SF3B5: variants seen among roughly 807,000 people sequenced by gnomAD.
SF3B5 encodes the protein splicing factor 3b subunit 5.
In SF3B5, 3 loss-of-function variants were observed where a neutral mutation model predicts 7.0. The observed-to-expected ratio is 0.43, with a 90% CI of 0.19 to 1.10. The LOEUF (loss-of-function observed/expected upper bound fraction) is 1.10, where lower values mean the gene tolerates loss of function less well. Ranked by LOEUF, SF3B5 falls within the 50% of genes least tolerant of loss-of-function variation. The probability of loss-of-function intolerance (pLI) is 0.29; values close to 1 mark genes in which losing one functional copy is unlikely to be tolerated. For synonymous variants in SF3B5, 51 were observed against 44.8 expected (o/e 1.14, Z -0.55); for missense variants, 73 against 113.6 (o/e 0.64, Z 1.63).
At position 144,094,928 on chromosome 6, in the gene SF3B5, T is replaced by G; in HGVS notation, c.*309A>C. The G allele has an allele frequency of 2.4e-6, 1 of 424,194 alleles. No homozygotes were observed. The highest frequency in any genetic ancestry group is 4.2e-5 in the East Asian group (1 of 23,674). 26.3% of individuals were successfully genotyped at this position (424,194 alleles called of 1,614,324 possible). On this transcript the variant is annotated 3_prime_UTR_variant, in exon 1 of 1. Transcript: ENST00000367569. ...ATGGAAAAAGCCAATGACAATCAAT[T>G]AGCCAAAAACGAGACGCCAAATCCC... is the stretch of plus-strand genomic sequence containing the variant.
Position 144,095,415 on chromosome 6 carries a change from T to C in SF3B5, c.83A>G (p.Lys28Arg). Residue 28 changes from lysine to arginine, a missense_variant, in exon 1 of 1, where the codon AAG becomes AGG. Around this residue, in one of 2 missense-constraint regions of SF3B5, gnomAD observed 67 missense variants for 82.7 expected, o/e 0.81. Coordinates refer to ENST00000367569, the MANE Select transcript of SF3B5 (RefSeq NM_031287.3). The surrounding 1 kb of genome is among the most constrained non-coding windows in gnomAD (Gnocchi z 4.3). ...GTGTTGGTTCACCAGCCACTCCCAC[T>C]TGGTGGTGTCGGCGTGGCCCGTGCC... ...YIGTGHADTT[K>R]WEWLVNQHRD... 6.2e-7 allele frequency: 1 copy of C among 1,614,254 alleles called. No homozygotes were observed.
chr6:144,095,052 G>T lies in SF3B5; in HGVS notation c.*185C>A. The stretch of plus-strand genomic sequence containing the variant: ...GGAGTCCTGCTGGTCTCCCAGTGCT[G>T]TTCTAAGGGTCCACATGAAGGCAGG... On this transcript the variant is annotated 3_prime_UTR_variant, in exon 1 of 1. Transcript: ENST00000367569. This position sits in a 1 kb window ranked among gnomAD's most constrained non-coding sequence, Gnocchi z 4.3. The T allele has an allele frequency of 1.2e-6, 1 of 846,668 alleles. No homozygotes were observed. The highest frequency in any genetic ancestry group is 1.9e-6 in the Non-Finnish European group (1 of 529,790). The allele number at this position is 846,668 out of a possible 1,614,324, so 52.4% of individuals were successfully genotyped here. A position where few individuals can be genotyped will look rare whatever the true frequency, so the allele number is the denominator to read the frequency against.
At position 144,094,894 on chromosome 6, in the gene SF3B5, C is replaced by T. The variant is rs957861044; in HGVS notation, c.*343G>A. The stretch of plus-strand genomic sequence containing the variant: ...TTCACACCAAGAGACTGAACGATTT[C>T]TAAACTTTATGGAAAAAGCCAATGA... On this transcript the variant is annotated 3_prime_UTR_variant, in exon 1 of 1. Transcript: ENST00000367569. The T allele has an allele frequency of 3.0e-6, 1 of 332,390 alleles. No homozygotes were observed. The highest frequency in any genetic ancestry group is 5.8e-6 in the Non-Finnish European group (1 of 171,456). The allele number at this position is 332,390 out of a possible 1,614,324, so 20.6% of individuals were successfully genotyped here.
rs1195075459 is a variant in SF3B5, at chr6:144,095,182, C to T, written c.*55G>A. On this transcript the variant is annotated 3_prime_UTR_variant, in exon 1 of 1. Coordinates refer to ENST00000367569, the MANE Select transcript of SF3B5 (RefSeq NM_031287.3). The surrounding 1 kb of genome is among the most constrained non-coding windows in gnomAD (Gnocchi z 4.3). ...AGACAGGAATACTTAAGAGGATTGGCAAACCGGAGAAACGCTGGGAGAGGT... is the reference window on the plus strand; with the variant it reads ...AGACAGGAATACTTAAGAGGATTGGTAAACCGGAGAAACGCTGGGAGAGGT... 2 of 1,606,910 alleles carry T rather than the reference C, an allele frequency of 1.2e-6. No individual in the cohort carries two copies. The highest frequency in any genetic ancestry group is 4.5e-5 in the East Asian group (2 of 44,806).
Position 144,095,234 on chromosome 6 carries a change from G to C in SF3B5, c.*3C>G, listed in dbSNP as rs747573115. The C allele has an allele frequency of 1.2e-6, 2 of 1,614,006 alleles. No homozygotes were observed. The highest frequency in any genetic ancestry group is 3.3e-5 in the Admixed American group (2 of 60,032). On this transcript the variant is annotated 3_prime_UTR_variant, in exon 1 of 1. Transcript: ENST00000367569. This position sits in a 1 kb window ranked among gnomAD's most constrained non-coding sequence, Gnocchi z 4.3. ...CCCCGCACTGCGGTGGTAAGGCAGA[G>C]TCTCAGTTCTCCTCGGGCTTGTCGG...
rs895056350 is a variant in SF3B5 at position 144,095,175 on chromosome 6, G to A, written c.*62C>T. On this transcript the variant is annotated 3_prime_UTR_variant, in exon 1 of 1. Coordinates refer to ENST00000367569, the MANE Select transcript of SF3B5 (RefSeq NM_031287.3). The surrounding 1 kb of genome is among the most constrained non-coding windows in gnomAD (Gnocchi z 4.3). ...CCTTTGGAGACAGGAATACTTAAGAGGATTGGCAAACCGGAGAAACGCTGG... is the reference window on the plus strand; with the variant it reads ...CCTTTGGAGACAGGAATACTTAAGAAGATTGGCAAACCGGAGAAACGCTGG... The A allele has an allele frequency of 4.4e-6, 7 of 1,604,918 alleles. No homozygotes were observed. The highest frequency in any genetic ancestry group is 1.1e-5 in the South Asian group (1 of 90,218).
chr6:144,095,251 G>T lies in SF3B5; in HGVS notation c.247C>A (p.Pro83Thr). The T allele has an allele frequency of 6.2e-7, 1 of 1,614,192 alleles. No individual in the cohort carries two copies. The highest frequency in any genetic ancestry group is 8.5e-7 in the Non-Finnish European group (1 of 1,180,038). ...AAGGCAGAGTCTCAGTTCTCCTCGGGCTTGTCGGCTGGCGGTCCACAAGGC... is the reference window on the plus strand; with the variant it reads ...AAGGCAGAGTCTCAGTTCTCCTCGGTCTTGTCGGCTGGCGGTCCACAAGGC... ...LQPCGPPADK[P>T]EEN The change falls in exon 1 of 1, where the codon CCC (proline) becomes ACC (threonine). Residue 83 changes from proline to threonine, a missense_variant. This residue lies in a region of SF3B5 where 67 missense variants were observed against 82.7 expected (regional missense o/e 0.81). Transcript: ENST00000367569. The surrounding 1 kb of genome is among the most constrained non-coding windows in gnomAD (Gnocchi z 4.3).
In SF3B5 at chr6:144,095,368, T is replaced by C. The variant is rs1322457195; in HGVS notation, c.130A>G (p.Met44Val). Residue 44 changes from methionine (M) to valine (V), a missense_variant, in exon 1 of 1, where the codon ATG (methionine) becomes GTG (valine). By Grantham distance (21) the Met-to-Val change is conservative. Around this residue, in one of 2 missense-constraint regions of SF3B5, gnomAD observed 67 missense variants for 82.7 expected, o/e 0.81. Transcript: ENST00000367569. The surrounding 1 kb of genome is among the most constrained non-coding windows in gnomAD (Gnocchi z 4.3). Reference sequence around the variant, plus strand: ...TAGTTGAGAAGGTCGAAGTGGCCCATGTAGGAGCAGTACGAGTCGCGGTGT... The same window carrying C: ...TAGTTGAGAAGGTCGAAGTGGCCCACGTAGGAGCAGTACGAGTCGCGGTGT... ...NQHRDSYCSYMGHFDLLNYFA... is the reference protein window; with the variant it reads ...NQHRDSYCSYVGHFDLLNYFA... 1.2e-6 allele frequency: 2 copies of C among 1,614,234 alleles called. No homozygotes were observed. The highest frequency in any genetic ancestry group is 1.7e-6 in the Non-Finnish European group (2 of 1,180,032).
rs1157886335 is a variant in SF3B5, at chr6:144,095,457, AG to A, written c.40del (p.Leu14CysfsTer20). ...RYTIHSQLEH[L>X]QSKYIGTGHA... Reference sequence around the variant, plus strand: ...GCCCGTGCCGATGTACTTGGACTGCAGGTGCTCCAGCTGGCTATGGATGGTG... The same window carrying A: ...GCCCGTGCCGATGTACTTGGACTGCAGTGCTCCAGCTGGCTATGGATGGTG... On this transcript the variant is annotated frameshift_variant, in exon 1 of 1. Transcript: ENST00000367569. LOFTEE classifies it high-confidence loss of function. The surrounding 1 kb of genome is among the most constrained non-coding windows in gnomAD (Gnocchi z 4.3). 1.9e-6 allele frequency: 3 copies of A among 1,614,122 alleles called. No individual in the cohort carries two copies. The highest frequency in any genetic ancestry group is 2.5e-6 in the Non-Finnish European group (3 of 1,180,044).
chr6:144,095,353 G>C lies in SF3B5; in HGVS notation c.145C>G (p.Leu49Val). ...SYCSYMGHFD[L>V]LNYFAIAENE... ...TCCGCAATGGCGAAGTAGTTGAGAA[G>C]GTCGAAGTGGCCCATGTAGGAGCAG... Residue 49 changes from leucine to valine, a missense_variant, in exon 1 of 1, where the codon CTT becomes GTT. By Grantham distance (32) the Leu-to-Val change is conservative. Coordinates refer to ENST00000367569, the MANE Select transcript of SF3B5 (RefSeq NM_031287.3). The surrounding 1 kb of genome is among the most constrained non-coding windows in gnomAD (Gnocchi z 4.3). 6.2e-7 allele frequency: 1 copy of C among 1,614,282 alleles called. No individual in the cohort carries two copies. Among genetic ancestry groups the C allele is most frequent in the Non-Finnish European group, 8.5e-7 (1 of 1,180,056 alleles).
chr6:144,095,053 T>TTC lies in SF3B5; in HGVS notation c.*182_*183dup, dbSNP rs1336920262. 5 of 849,262 alleles carry TTC rather than the reference T, an allele frequency of 5.9e-6. No individual in the cohort carries two copies. The Admixed American group carries it at 1.1e-4, about 18-fold the overall frequency. The allele number at this position is 849,262 out of a possible 1,614,324, so 52.6% of individuals were successfully genotyped here. ...GAGTCCTGCTGGTCTCCCAGTGCTG[T>TTC]TCTAAGGGTCCACATGAAGGCAGGT... is the stretch of plus-strand genomic sequence containing the variant. On this transcript the variant is annotated 3_prime_UTR_variant, in exon 1 of 1. Coordinates refer to ENST00000367569, the MANE Select transcript of SF3B5 (RefSeq NM_031287.3). The surrounding 1 kb of genome is among the most constrained non-coding windows in gnomAD (Gnocchi z 4.3).
chr6:144,095,169 T>C lies in SF3B5; in HGVS notation c.*68A>G. 2 of 1,601,706 alleles carry C rather than the reference T, an allele frequency of 1.2e-6. No homozygotes were observed. Among genetic ancestry groups the C allele is most frequent in the Admixed American group, 1.7e-5 (1 of 59,680 alleles). On this transcript the variant is annotated 3_prime_UTR_variant, in exon 1 of 1. Coordinates refer to ENST00000367569, the MANE Select transcript of SF3B5 (RefSeq NM_031287.3). This position sits in a 1 kb window ranked among gnomAD's most constrained non-coding sequence, Gnocchi z 4.3. The stretch of plus-strand genomic sequence containing the variant: ...GCCGGTCCTTTGGAGACAGGAATAC[T>C]TAAGAGGATTGGCAAACCGGAGAAA...
In SF3B5 at chr6:144,095,515, C is replaced by A. The variant is rs375988619; in HGVS notation, c.-18G>T. 92 of 1,613,022 alleles carry A rather than the reference C, an allele frequency of 5.7e-5. No homozygotes were observed. In the African/African-American group the frequency reaches 9.9e-4, roughly 17 times the overall value. On this transcript the variant is annotated 5_prime_UTR_variant, in exon 1 of 1. Transcript: ENST00000367569. The surrounding 1 kb of genome is among the most constrained non-coding windows in gnomAD (Gnocchi z 4.3). Reference sequence around the variant, plus strand: ...TCAGTCATCTCGCCGCTTTCCCCTTCGCTCTCAGGTCAGAGGACGCAGGTA... The same window carrying A: ...TCAGTCATCTCGCCGCTTTCCCCTTAGCTCTCAGGTCAGAGGACGCAGGTA...
chr6:144,095,110 A>G lies in SF3B5; in HGVS notation c.*127T>C. 6.9e-7 allele frequency: 1 copy of G among 1,452,890 alleles called. No homozygotes were observed. The highest frequency in any genetic ancestry group is 1.4e-5 in the African/African-American group (1 of 71,928). 90.0% of individuals were successfully genotyped at this position (1,452,890 alleles called of 1,614,324 possible). A position where few individuals can be genotyped will look rare whatever the true frequency, so the allele number is the denominator to read the frequency against. On this transcript the variant is annotated 3_prime_UTR_variant, in exon 1 of 1. Transcript: ENST00000367569. This position sits in a 1 kb window ranked among gnomAD's most constrained non-coding sequence, Gnocchi z 4.3. ...GGACTCCCCGGGCAAGCACTTCTGTACGCGGAAAGCACGAGGCGCAGGAGC... is the reference window on the plus strand; with the variant it reads ...GGACTCCCCGGGCAAGCACTTCTGTGCGCGGAAAGCACGAGGCGCAGGAGC...
chr6:144,095,305 G>A lies in SF3B5; in HGVS notation c.193C>T (p.Arg65Cys), dbSNP rs767505437. The change falls in exon 1 of 1, where the codon CGC becomes TGC. Residue 65 changes from arginine (R) to cysteine (C), a missense_variant. Physicochemically the swap from Arg to Cys is radical, Grantham distance 180. Coordinates refer to ENST00000367569, the MANE Select transcript of SF3B5 (RefSeq NM_031287.3). The surrounding 1 kb of genome is among the most constrained non-coding windows in gnomAD (Gnocchi z 4.3). Reference protein sequence around the residue: ...IAENESKARVRFNLMEKMLQP... With the variant: ...IAENESKARVCFNLMEKMLQP... ...AGCATCTTTTCCATCAAGTTGAAGC[G>A]GACTCGCGCTTTGCTCTCATTCTCC... is the stretch of plus-strand genomic sequence containing the variant. 3 of 1,614,262 alleles carry A rather than the reference G, an allele frequency of 1.9e-6. No individual in the cohort carries two copies. Among genetic ancestry groups the A allele is most frequent in the Non-Finnish European group, 2.5e-6 (3 of 1,180,046 alleles).
chr6:144,095,458 G>A lies in SF3B5; in HGVS notation c.40C>T (p.Leu14=), dbSNP rs749560123. The A allele has an allele frequency of 2.0e-5, 33 of 1,614,254 alleles. No homozygotes were observed. The highest frequency in any genetic ancestry group is 1.1e-4 in the South Asian group (10 of 91,088). ...RYTIHSQLEH[L]QSKYIGTGHA... ...CCCGTGCCGATGTACTTGGACTGCA[G>A]GTGCTCCAGCTGGCTATGGATGGTG... The change falls in exon 1 of 1, where the codon CTG becomes TTG. Residue 14 remains leucine (L), a synonymous_variant. Coordinates refer to ENST00000367569, the MANE Select transcript of SF3B5 (RefSeq NM_031287.3). The surrounding 1 kb of genome is among the most constrained non-coding windows in gnomAD (Gnocchi z 4.3).
Position 144,095,006 on chromosome 6 carries a change from T to C in SF3B5, c.*231A>G. On this transcript the variant is annotated 3_prime_UTR_variant, in exon 1 of 1. Transcript: ENST00000367569. This position sits in a 1 kb window ranked among gnomAD's most constrained non-coding sequence, Gnocchi z 4.3. ...TCAAACGCTCGCCGGCTCTAGGACC[T>C]CTCCACCAGCACAGTTCTCAGGAGT... 1.6e-6 allele frequency: 1 copy of C among 627,804 alleles called. No homozygotes were observed. Among genetic ancestry groups the C allele is most frequent in the South Asian group, 2.0e-5 (1 of 51,128 alleles). The allele number at this position is 627,804 out of a possible 1,614,324, so 38.9% of individuals were successfully genotyped here. A position where few individuals can be genotyped will look rare whatever the true frequency, so the allele number is the denominator to read the frequency against.
chr6:144,095,325 T>C lies in SF3B5; in HGVS notation c.173A>G (p.Asn58Ser). The C allele has an allele frequency of 6.2e-7, 1 of 1,614,292 alleles. No homozygotes were observed. Among genetic ancestry groups the C allele is most frequent in the Non-Finnish European group, 8.5e-7 (1 of 1,180,058 alleles). Residue 58 changes from asparagine (N) to serine (S), a missense_variant, in exon 1 of 1, where the codon AAT (asparagine) becomes AGT (serine). Transcript: ENST00000367569. This position sits in a 1 kb window ranked among gnomAD's most constrained non-coding sequence, Gnocchi z 4.3. ...GAAGCGGACTCGCGCTTTGCTCTCA[T>C]TCTCCGCAATGGCGAAGTAGTTGAG... ...DLLNYFAIAE[N>S]ESKARVRFNL...
rs755846618 is a variant in SF3B5, at chr6:144,095,206, G to C, written c.*31C>G. On this transcript the variant is annotated 3_prime_UTR_variant, in exon 1 of 1. Coordinates refer to ENST00000367569, the MANE Select transcript of SF3B5 (RefSeq NM_031287.3). This position sits in a 1 kb window ranked among gnomAD's most constrained non-coding sequence, Gnocchi z 4.3. ...GCAAACCGGAGAAACGCTGGGAGAG[G>C]TGCCCCGCACTGCGGTGGTAAGGCA... The C allele has an allele frequency of 6.2e-7, 1 of 1,611,818 alleles. No individual in the cohort carries two copies. Among genetic ancestry groups the C allele is most frequent in the Non-Finnish European group, 8.5e-7 (1 of 1,178,628 alleles).
Sources: gnomAD v4.1 joint callset for allele counts on GRCh38, gnomAD v4.1.1 for gene constraint, gnomAD v4.1.1 regional missense constraint, Gnocchi (gnomAD v3.1) non-coding constraint, MANE v1.5 for transcripts, NCBI Gene and HGNC (gene_info 2026-07-23, HGNC 2026-07-21) for gene names.